Variants in PPP2R5B observed in about 807,000 individuals in gnomAD.
PPP2R5B encodes protein phosphatase 2 regulatory subunit B'beta.
In PPP2R5B, 19 loss-of-function variants were observed where a neutral mutation model predicts 59.9. That is an observed-to-expected ratio of 0.32 (90% CI 0.22 to 0.47). The LOEUF (loss-of-function observed/expected upper bound fraction) is 0.47, where lower values mean the gene tolerates loss of function less well. Among genes scored for constraint, PPP2R5B ranks in the 20% least tolerant of loss-of-function variants. The pLI is 1.00. For synonymous variants in PPP2R5B, 286 were observed against 260.5 expected (o/e 1.10, Z -0.94); for missense variants, 441 against 640.2 (o/e 0.69, Z 3.36).
At chr11:64,923,404 G>A (rs1278179757), upstream of PPP2R5B, among the ~76,000 whole-genome samples, 4 of 152,210 alleles carry the variant, frequency 2.6e-5, no homozygotes, top group South Asian at 2.1e-4. Flanking sequence ...GGGCAAGGAG[G>A]GAGATCATGG....
Position 64,930,571 on chromosome 11 carries a change from G to A in PPP2R5B, c.873G>A (p.Leu291=), listed in dbSNP as rs1945218353. Residue 291 remains leucine (L), a synonymous_variant, in exon 8 of 14, where the codon CTG becomes CTA. Transcript: ENST00000164133. ...TCCCCCTGCACTCTGTCAAGTCGCT[G>A]TCTGTCTTCCATGCCCAGGTGAGGC... The part of the protein sequence containing the change: ...VLIPLHSVKS[L]SVFHAQLAYC... The A allele has an allele frequency of 3.7e-6, 6 of 1,614,142 alleles. No individual in the cohort carries two copies. Among genetic ancestry groups the A allele is most frequent in the Non-Finnish European group, 5.1e-6 (6 of 1,179,972 alleles).
At chr11:64,927,313 G>A (rs1945178437) in intron 3 of PPP2R5B, among the ~76,000 whole-genome samples, 1 of 152,218 alleles carries the variant, frequency 6.6e-6, no homozygotes, top group Non-Finnish European at 1.5e-5. Context: ...ATTCACCCCT[G>A]GGTTCCCAGC....
In PPP2R5B at chr11:64,932,902, A is replaced by G; in HGVS notation, c.1244+10A>G. On this transcript the variant is annotated intron_variant, in intron 12 of 13. Coordinates refer to ENST00000164133, the MANE Select transcript of PPP2R5B (RefSeq NM_006244.4). ...AGGAGCACTGGAACCAGTGAGTGCC[A>G]GGCCATGACCTAACTCACAGAAACT... is the stretch of plus-strand genomic sequence containing the variant. The G allele has an allele frequency of 6.2e-7, 1 of 1,613,768 alleles. No individual in the cohort carries two copies. The highest frequency in any genetic ancestry group is 8.5e-7 in the Non-Finnish European group (1 of 1,179,788).
Position 64,928,166 on chromosome 11 carries a change from G to A in PPP2R5B, c.591+8G>A, listed in dbSNP as rs955613138. On this transcript the variant is annotated splice_region_variant and intron_variant, in intron 5 of 13. Coordinates refer to ENST00000164133, the MANE Select transcript of PPP2R5B (RefSeq NM_006244.4). ...CAAAAGTTTGTCCTGATGGTGAAGT[G>A]GGGAGCCCAGGCTGGGTGGTACCAC... 6 of 1,614,012 alleles carry A rather than the reference G, an allele frequency of 3.7e-6. No individual in the cohort carries two copies. Among genetic ancestry groups the A allele is most frequent in the Middle Eastern group, 1.6e-4 (1 of 6,084 alleles).
intron 6 of PPP2R5B, among the ~76,000 whole-genome samples, chr11:64,930,029 A>C (rs998217748): frequency 1.3e-5 from 2 of 152,170 alleles, no homozygotes; most frequent in South Asian, 4.1e-4. Flanking sequence ...TGAGACTTAC[A>C]TGGTACGGAG....
rs1428527396 is a variant in PPP2R5B, at chr11:64,928,217, G to C, written c.591+59G>C. 6.2e-6 allele frequency: 10 copies of C among 1,613,204 alleles called. No individual in the cohort carries two copies. In the African/African-American group the frequency reaches 1.3e-4, roughly 22 times the overall value. ...AAGGCAGGGGCAGGCTCTCTGAGGGGCCAGGGATAGGATGGAAGCAACCTG... is the reference window on the plus strand; with the variant it reads ...AAGGCAGGGGCAGGCTCTCTGAGGGCCCAGGGATAGGATGGAAGCAACCTG... On this transcript the variant is annotated intron_variant, in intron 5 of 13. Coordinates refer to ENST00000164133, the MANE Select transcript of PPP2R5B (RefSeq NM_006244.4).
chr11:64,927,662 G>C, intron 3 of PPP2R5B, 140 bp from the exon 4 acceptor site: 1 of 666,446 alleles, frequency 1.5e-6, no homozygotes, highest in Non-Finnish European at 2.6e-6. Flanking sequence ...AGTCGAGATT[G>C]TACCACTGCG....
chr11:64,928,996 A>AT (rs1554968829), intron 6 of PPP2R5B, among the ~76,000 whole-genome samples: 2 of 152,276 alleles, frequency 1.3e-5, no homozygotes, highest in East Asian at 1.9e-4. Context: ...ACAAAAAAAA[A>AT]GAAGACTGCA....
chr11:64,927,752 C>G, intron 3 of PPP2R5B, 50 bp from the exon 4 acceptor site: 1 of 1,334,274 alleles, frequency 7.5e-7, no homozygotes, highest in Non-Finnish European at 1.1e-6. Flanking sequence ...GACTCCCTGG[C>G]TTCTGTCTTC....
rs1211746228 is a variant in PPP2R5B at position 64,926,848 on chromosome 11, G to C, written c.336G>C (p.Glu112Asp). Reference sequence around the variant, plus strand: ...GGGCAGCCCTCAACGAGCTGGTGGAGTGTGTGGGGAGCACCCGGGGTGTCC... The same window carrying C: ...GGGCAGCCCTCAACGAGCTGGTGGACTGTGTGGGGAGCACCCGGGGTGTCC... Reference protein sequence around the residue: ...VKRAALNELVECVGSTRGVLI... With the variant: ...VKRAALNELVDCVGSTRGVLI... Residue 112 changes from glutamate to aspartate, a missense_variant, in exon 3 of 14, where the codon GAG becomes GAC. This residue lies in a region of PPP2R5B where 268 missense variants were observed against 488.1 expected (regional missense o/e 0.55). Transcript: ENST00000164133. 1 of 1,614,210 alleles carries C rather than the reference G, an allele frequency of 6.2e-7. No homozygotes were observed. Among genetic ancestry groups the C allele is most frequent in the East Asian group, 2.2e-5 (1 of 44,886 alleles).
upstream of PPP2R5B, chr11:64,917,578 A>G (rs917349967): frequency 1.9e-5 from 3 of 156,378 alleles, no homozygotes; most frequent in South Asian, 5.1e-4. Flanking sequence ...ACTTCGTAGA[A>G]GCCTTCCCCA....
chr11:64,926,458 G>A (rs971964456), intron 2 of PPP2R5B, among the ~76,000 whole-genome samples: 6 of 152,264 alleles, frequency 3.9e-5, no homozygotes, highest in African/African-American at 1.4e-4. Flanking sequence ...TCCAGGATTT[G>A]TGATCTTGCT....
In PPP2R5B at chr11:64,928,049, C is replaced by G. The variant is rs752289539; in HGVS notation, c.499-17C>G. The G allele has an allele frequency of 6.2e-7, 1 of 1,612,838 alleles. No individual in the cohort carries two copies. Among genetic ancestry groups the G allele is most frequent in the South Asian group, 1.1e-5 (1 of 91,060 alleles). On this transcript the variant is annotated splice_polypyrimidine_tract_variant and intron_variant, in intron 4 of 13. Coordinates refer to ENST00000164133, the MANE Select transcript of PPP2R5B (RefSeq NM_006244.4). The stretch of plus-strand genomic sequence containing the variant: ...GCTGTTACTGAACTCACCTTTTTGT[C>G]TGTCCCCCTCCCCCAGCTGGTATAT...
chr11:64,928,512 C>T (rs1945193445), intron 6 of PPP2R5B, 87 bp downstream of exon 6: 24 of 1,580,554 alleles, frequency 1.5e-5, no homozygotes, highest in Non-Finnish European at 2.0e-5. Context: ...TGCGGTGGCT[C>T]ACACCTGTAA....
upstream of PPP2R5B, among the ~76,000 whole-genome samples, chr11:64,922,197 A>C (rs1016819825): frequency 6.6e-6 from 1 of 151,818 alleles, no homozygotes; most frequent in Non-Finnish European, 1.5e-5. Context: ...TAAAAAAATA[A>C]AATAAAGCCG....
Position 64,930,322 on chromosome 11 carries a change from G to T in PPP2R5B, c.723G>T (p.Arg241=). 1.9e-6 allele frequency: 3 copies of T among 1,614,030 alleles called. No homozygotes were observed. The highest frequency in any genetic ancestry group is 2.5e-6 in the Non-Finnish European group (3 of 1,179,956). Residue 241 remains arginine, a splice_region_variant and synonymous_variant, in exon 7 of 14, where the codon CGG becomes CGT. Coordinates refer to ENST00000164133, the MANE Select transcript of PPP2R5B (RefSeq NM_006244.4). ...IRKQCNHIFL[R]FIYEFEHFNG... Reference sequence around the variant, plus strand: ...GCCCACCTGCGTTCTTCTCTTGCAGGTTCATCTATGAATTCGAGCACTTCA... The same window carrying T: ...GCCCACCTGCGTTCTTCTCTTGCAGTTTCATCTATGAATTCGAGCACTTCA...
Position 64,925,479 on chromosome 11 carries a change from T to G in PPP2R5B, c.-256T>G. The stretch of plus-strand genomic sequence containing the variant: ...GACTTCGTTTTCAAAAGAGCCAGGG[T>G]GGGAACCCTAACTGGACTCTTCGGG... On this transcript the variant is annotated 5_prime_UTR_variant, in exon 2 of 14. Transcript: ENST00000164133. The surrounding 1 kb of genome is among the most constrained non-coding windows in gnomAD (Gnocchi z 4.6). 2.4e-6 allele frequency: 1 copy of G among 418,848 alleles called. No homozygotes were observed. The allele number at this position is 418,848 out of a possible 1,614,324, so 25.9% of individuals were successfully genotyped here.
intron 6 of PPP2R5B, 55 bp downstream of exon 6, chr11:64,928,480 G>C (rs1590678002): frequency 6.2e-7 from 1 of 1,611,050 alleles, no homozygotes; most frequent in East Asian, 2.2e-5. Flanking sequence ...AGGGCTGTTA[G>C]AAGACTGCGG....
rs367971718 is a variant in PPP2R5B, at chr11:64,925,729, A to G, written c.-6A>G. ...CTCTGAAAGCTTGCCCTGCCGCCTG[A>G]CCGCCATGGAGACGAAGCTGCCCCC... is the stretch of plus-strand genomic sequence containing the variant. On this transcript the variant is annotated 5_prime_UTR_variant, in exon 2 of 14. Transcript: ENST00000164133. This position sits in a 1 kb window ranked among gnomAD's most constrained non-coding sequence, Gnocchi z 4.6. 233 of 1,579,168 alleles carry G rather than the reference A, an allele frequency of 1.5e-4. No individual in the cohort carries two copies. Among genetic ancestry groups the G allele is most frequent in the East Asian group, 3.9e-4 (17 of 43,384 alleles).
Sources: gnomAD v4.1 joint callset for allele counts (sites outside exome capture counted in the v4.1 genomes callset) on GRCh38, gnomAD v4.1.1 for gene constraint, gnomAD v4.1.1 regional missense constraint, Gnocchi (gnomAD v3.1) non-coding constraint, MANE v1.5 for transcripts, NCBI Gene and HGNC (gene_info 2026-07-23, HGNC 2026-07-21) for gene names.